Variants in PSD3 observed in about 807,000 individuals in gnomAD.
The protein encoded by PSD3 is pleckstrin and Sec7 domain containing 3.
Under a neutral mutation model 105.5 loss-of-function variants are expected in PSD3, and 49 were observed. That is an observed-to-expected ratio of 0.46 (90% confidence interval 0.37 to 0.59). The LOEUF is 0.59. Among genes scored for constraint, PSD3 ranks in the 20% least tolerant of loss-of-function variants. PSD3 has a pLI of 0.00. For missense variants in PSD3, 1,561 were observed against 1,263.8 expected, an observed-to-expected ratio of 1.24 and a Z score of -3.57; for synonymous variants, 557 against 457.8, an observed-to-expected ratio of 1.22 and a Z score of -2.77.
intron 9 of PSD3, among the ~76,000 whole-genome samples, chr8:18,697,805 C>A (rs1025153447): frequency 6.6e-6 from 1 of 152,122 alleles, no homozygotes; most frequent in Non-Finnish European, 1.5e-5. Context: ...ATCAACATTT[C>A]GTCACTACAC....
chr8:18,683,598 A>T (rs1800499811), intron 9 of PSD3, among the ~76,000 whole-genome samples: 1 of 152,272 alleles, frequency 6.6e-6, no homozygotes, highest in Non-Finnish European at 1.5e-5. Flanking sequence ...GCATCTTTGT[A>T]TCTGGAGTTC....
intron 4 of PSD3, among the ~76,000 whole-genome samples, chr8:18,820,171 CTTT>C (rs11357749): frequency 7.8e-6 from 1 of 128,070 alleles, no homozygotes; most frequent in African/African-American, 2.8e-5. Flanking sequence ...CATTTTTTTC[CTTT>C]TTTTTTTTTT....
At chr8:18,617,917 G>A (rs1376619979) in intron 11 of PSD3, among the ~76,000 whole-genome samples, 1 of 152,072 alleles carries the variant, frequency 6.6e-6, no homozygotes, top group Non-Finnish European at 1.5e-5. Context: ...GAAATGATCT[G>A]CAAAGCCGTC....
At chr8:19,082,520 C>A (rs1171748234) in intron 1 of PSD3, among the ~76,000 whole-genome samples, 3 of 152,168 alleles carry the variant, frequency 2.0e-5, no homozygotes, top group African/African-American at 7.2e-5. Flanking sequence ...AACTTTTTAG[C>A]CAGAAATCCT....
At chr8:18,771,431 A>G (rs1030801751) in intron 8 of PSD3, among the ~76,000 whole-genome samples, 3 of 152,208 alleles carry the variant, frequency 2.0e-5, no homozygotes, top group Non-Finnish European at 4.4e-5. Flanking sequence ...ATCATTGCCT[A>G]ATCCAACATC....
chr8:18,609,654 A>T (rs1459298943), intron 11 of PSD3, among the ~76,000 whole-genome samples: 1 of 152,236 alleles, frequency 6.6e-6, no homozygotes, highest in Admixed American at 6.5e-5. Flanking sequence ...TGAAGTTCTA[A>T]TCAATGACAC....
At chr8:18,673,692 T>A (rs919131464) in intron 9 of PSD3, among the ~76,000 whole-genome samples, 3 of 152,136 alleles carry the variant, frequency 2.0e-5, no homozygotes, top group African/African-American at 7.2e-5. Context: ...CATGAGAAAG[T>A]AGAGAGGGAA....
intron 9 of PSD3, among the ~76,000 whole-genome samples, chr8:18,662,929 AAGCCAG>A: frequency 6.6e-6 from 1 of 152,162 alleles, no homozygotes; most frequent in East Asian, 1.9e-4. Flanking sequence ...TACAGCAAGA[AAGCCAG>A]AGAAATATTA....
At chr8:18,554,093 G>A (rs1585227409) in intron 15 of PSD3, among the ~76,000 whole-genome samples, 1 of 152,282 alleles carries the variant, frequency 6.6e-6, no homozygotes, top group East Asian at 1.9e-4. Context: ...CTCAAAAGTA[G>A]GGAGGGCTCC....
rs1221047048 is a variant in PSD3, at chr8:18,531,683, A to T, written c.*4060T>A. 1 of 152,248 alleles carries T rather than the reference A, an allele frequency of 6.6e-6. No homozygotes were observed. Among genetic ancestry groups the T allele is most frequent in the African/African-American group, 2.4e-5 (1 of 41,462 alleles). The allele number at this position is 152,248 out of a possible 1,614,324, so 9.4% of individuals were successfully genotyped here. On this transcript the variant is annotated 3_prime_UTR_variant, in exon 16 of 16. Transcript: ENST00000327040. ...CTGACTTACCATTTTCTGTCAGAATAACTTAGATGCTTTGAGACAAAAGCA... is the reference window on the plus strand; with the variant it reads ...CTGACTTACCATTTTCTGTCAGAATTACTTAGATGCTTTGAGACAAAAGCA...
chr8:18,913,086 A>C (rs112168107), intron 2 of PSD3, among the ~76,000 whole-genome samples: 583 of 130,356 alleles, frequency 4.5e-3, no homozygotes, highest in African/African-American at 0.011. Flanking sequence ...CACACACACA[A>C]ACACACACAC....
intron 10 of PSD3, among the ~76,000 whole-genome samples, chr8:18,636,943 TA>T (rs1346788729): frequency 6.6e-6 from 1 of 152,238 alleles, no homozygotes; most frequent in Non-Finnish European, 1.5e-5. Flanking sequence ...CACACATCTA[TA>T]TTTGTGTATC....
chr8:18,634,777 C>T (rs1200434314), intron 10 of PSD3, among the ~76,000 whole-genome samples: 1 of 152,052 alleles, frequency 6.6e-6, no homozygotes, highest in African/African-American at 2.4e-5. Flanking sequence ...TTTCTCAGTG[C>T]TTTAGGTCCA....
chr8:18,603,935 G>A (rs193172391), intron 11 of PSD3, among the ~76,000 whole-genome samples: 5 of 152,248 alleles, frequency 3.3e-5, no homozygotes, highest in African/African-American at 7.2e-5. Context: ...CTGCAGACCC[G>A]TGAGCCAATT....
chr8:19,037,967 T>C (rs1475862553), intron 1 of PSD3, among the ~76,000 whole-genome samples: 1 of 149,646 alleles, frequency 6.7e-6, no homozygotes, highest in Non-Finnish European at 1.5e-5. Flanking sequence ...AGTATATATA[T>C]ATAATTTTAG....
intron 9 of PSD3, among the ~76,000 whole-genome samples, chr8:18,680,108 T>C (rs1323632059): frequency 1.3e-5 from 2 of 152,194 alleles, no homozygotes; most frequent in Non-Finnish European, 2.9e-5. Context: ...CTTTTACAGA[T>C]TTATGTTTTA....
intron 1 of PSD3, among the ~76,000 whole-genome samples, chr8:19,007,552 C>T (rs1826747819): frequency 6.6e-6 from 1 of 151,980 alleles, no homozygotes; most frequent in African/African-American, 2.4e-5. Context: ...GTAACTGCAT[C>T]GATTCTATAA....
intron 1 of PSD3, among the ~76,000 whole-genome samples, chr8:19,044,265 G>A (rs1044538301): frequency 3.9e-5 from 6 of 152,002 alleles, no homozygotes; most frequent in African/African-American, 1.2e-4. Flanking sequence ...TTACTGCTCC[G>A]GTCTCCTAGC....
chr8:18,571,339 C>T (rs892060125), intron 14 of PSD3, among the ~76,000 whole-genome samples: 11 of 148,846 alleles, frequency 7.4e-5, no homozygotes, highest in African/African-American at 2.2e-4. Context: ...CTGCATCCAG[C>T]GCTCTCTTCT....
Sources: allele counts gnomAD v4.1 joint callset (sites outside exome capture counted in the v4.1 genomes callset), GRCh38; gene constraint gnomAD v4.1.1; transcripts MANE v1.5; gene names NCBI Gene and HGNC (gene_info 2026-07-23, HGNC 2026-07-21).